The following VPS13C variants were observed in gnomAD, a reference collection of about 807,000 sequenced individuals.
VPS13C encodes vacuolar protein sorting 13 homolog C, also known as intermembrane lipid transfer protein VPS13C.
Under a neutral mutation model 456.8 loss-of-function variants are expected in VPS13C, and 358 were observed. That is an observed-to-expected ratio of 0.78 (90% CI 0.72 to 0.86). The LOEUF (loss-of-function observed/expected upper bound fraction) is 0.86, where lower values mean the gene tolerates loss of function less well. Among genes scored for constraint, VPS13C ranks in the 40% least tolerant of loss-of-function variants. VPS13C has a pLI of 0.00. For synonymous variants in VPS13C, 1,578 were observed against 1,486.7 expected (o/e 1.06, Z -1.41); for missense variants, 4,818 against 4,385.4 (o/e 1.10, Z -2.79).
intron 18 of VPS13C, among the ~76,000 whole-genome samples, chr15:61,989,806 C>T (rs190867644): frequency 6.6e-6 from 1 of 152,278 alleles, no homozygotes; most frequent in Admixed American, 6.5e-5. Context: ...CTGGTGAAGA[C>T]GTGAAGCAAT....
chr15:62,009,855 C>T (rs2046981560), intron 13 of VPS13C, among the ~76,000 whole-genome samples: 1 of 152,158 alleles, frequency 6.6e-6, no homozygotes, highest in African/African-American at 2.4e-5. Context: ...ATAAGAGTCT[C>T]TTCCATTAAA....
intron 15 of VPS13C, among the ~76,000 whole-genome samples, chr15:62,005,570 C>A (rs2046804272): frequency 6.6e-6 from 1 of 150,678 alleles, no homozygotes; most frequent in South Asian, 2.1e-4. Context: ...ACGATGTTAG[C>A]TGGTGATTTT....
chr15:61,929,667 T>C lies in VPS13C; in HGVS notation c.6120A>G (p.Gln2040=), dbSNP rs763205266. ...ISYKQDKNGS[Q]IDAVLDKLYV... ...ACAGCTTGTCAAGAACAGCATCAAT[T>C]TGACTTCCATTTTTGTCTTGTTTGT... Residue 2040 remains glutamine (Q), a synonymous_variant, in exon 51 of 85, where the codon CAA becomes CAG. Transcript: ENST00000644861. 1.2e-6 allele frequency: 2 copies of C among 1,614,120 alleles called. No homozygotes were observed. The highest frequency in any genetic ancestry group is 1.3e-5 in the African/African-American group (1 of 75,044).
intron 48 of VPS13C, chr15:61,935,518 G>A (rs1282755339): frequency 6.6e-6 from 1 of 152,192 alleles, no homozygotes; most frequent in Non-Finnish European, 1.5e-5. Context: ...GCAAGAACCA[G>A]ATACATGATC....
chr15:61,930,327 CG>C (rs2044013399), intron 50 of VPS13C, among the ~76,000 whole-genome samples: 1 of 152,076 alleles, frequency 6.6e-6, no homozygotes. Context: ...TCACCCTTGC[CG>C]GGAGAGCTGT....
intron 37 of VPS13C, among the ~76,000 whole-genome samples, chr15:61,956,374 A>G (rs1378423604): frequency 1.3e-5 from 2 of 152,092 alleles, no homozygotes; most frequent in African/African-American, 2.4e-5. Flanking sequence ...CCTATCAGGT[A>G]CTATGCTCAC....
intron 46 of VPS13C, 36 bp downstream of exon 46, chr15:61,941,727 T>C: frequency 2.6e-6 from 4 of 1,532,950 alleles, no homozygotes; most frequent in Non-Finnish European, 1.8e-6. Context: ...ATCCTATTTC[T>C]AGTAAGCAAT....
intron 17 of VPS13C, 83 bp downstream of exon 17, chr15:61,991,590 T>C (rs2046223985): frequency 6.9e-7 from 1 of 1,440,646 alleles, no homozygotes; most frequent in Non-Finnish European, 9.2e-7. Flanking sequence ...TATTTCAAAA[T>C]AAAATTCAAC....
chr15:62,000,708 T>C, intron 15 of VPS13C, 82 bp from the exon 16 acceptor site: 1 of 1,106,038 alleles, frequency 9.0e-7, no homozygotes. Flanking sequence ...TCTAGGCATA[T>C]CTAGTCCATT....
chr15:62,059,466 C>A (rs1001064356), intron 1 of VPS13C, among the ~76,000 whole-genome samples: 3 of 152,172 alleles, frequency 2.0e-5, no homozygotes, highest in Non-Finnish European at 4.4e-5. Context: ...AACGATTAAG[C>A]TCGTTGAAGA....
In VPS13C at chr15:61,962,551, G is replaced by C. The variant is rs1294961887; in HGVS notation, c.3436-13C>G. ...TTATTGACACAGCCTGAAAAACAGA[G>C]ACTTGAATGTACTCTATCCGGGAAG... On this transcript the variant is annotated splice_polypyrimidine_tract_variant and intron_variant, in intron 33 of 84. Coordinates refer to ENST00000644861, the MANE Select transcript of VPS13C (RefSeq NM_020821.3). 1.9e-6 allele frequency: 3 copies of C among 1,604,120 alleles called. No individual in the cohort carries two copies. The highest frequency in any genetic ancestry group is 2.6e-6 in the Non-Finnish European group (3 of 1,174,432).
chr15:62,020,096 G>A (rs954485321), intron 9 of VPS13C, among the ~76,000 whole-genome samples: 15 of 147,832 alleles, frequency 1.0e-4, no homozygotes, highest in South Asian at 4.2e-4. Flanking sequence ...ATGAGTGTGC[G>A]CACACACACA....
At chr15:61,952,505 ATGTG>A (rs924903699) in intron 38 of VPS13C, among the ~76,000 whole-genome samples, 9 of 152,036 alleles carry the variant, frequency 5.9e-5, no homozygotes, top group Non-Finnish European at 1.3e-4. Context: ...GACTTTATAT[ATGTG>A]TGTGTGTATG....
intron 65 of VPS13C, 107 bp downstream of exon 65, chr15:61,908,885 A>G (rs1232136977): frequency 7.5e-7 from 1 of 1,336,604 alleles, no homozygotes; most frequent in Non-Finnish European, 1.0e-6. Context: ...TGTGTTCCAT[A>G]TCACCTTTCT....
intron 18 of VPS13C, among the ~76,000 whole-genome samples, chr15:61,985,429 G>A (rs1333497584): frequency 6.6e-6 from 1 of 152,016 alleles, no homozygotes. Context: ...GCTAAGTTTT[G>A]TGTTTTTAGT....
At chr15:61,975,604 A>G (rs1328411424) in intron 24 of VPS13C, among the ~76,000 whole-genome samples, 7 of 152,110 alleles carry the variant, frequency 4.6e-5, no homozygotes, top group South Asian at 2.1e-4. Flanking sequence ...ATCTAGCCCT[A>G]TATCTATGAA....
rs1013785012 is a variant in VPS13C, at chr15:61,958,804, CAT to C, written c.4057-90_4057-89del. On this transcript the variant is annotated intron_variant, in intron 36 of 84. Transcript: ENST00000644861. ...AGAAAATAAATTCCCATTTGCAACA[CAT>C]GAGGGACAGAATAATCCTAACACTG... 9.2e-6 allele frequency: 6 copies of C among 649,938 alleles called. No individual in the cohort carries two copies. The South Asian group carries it at 9.8e-5, about 11-fold the overall frequency. 40.3% of individuals were successfully genotyped at this position (649,938 alleles called of 1,614,324 possible). A position where few individuals can be genotyped will look rare whatever the true frequency, so the allele number is the denominator to read the frequency against.
chr15:62,056,559 G>A (rs1055755244), intron 1 of VPS13C, among the ~76,000 whole-genome samples: 1 of 152,204 alleles, frequency 6.6e-6, no homozygotes, highest in African/African-American at 2.4e-5. Context: ...CGACTTAGCA[G>A]ACCAGGGAAG....
In VPS13C at chr15:61,920,211, T is replaced by A; in HGVS notation, c.7333A>T (p.Met2445Leu). Residue 2445 changes from methionine (M) to leucine (L), a missense_variant, in exon 57 of 85, where the codon ATG becomes TTG. By Grantham distance (15) the Met-to-Leu change is conservative. Coordinates refer to ENST00000644861, the MANE Select transcript of VPS13C (RefSeq NM_020821.3). Reference protein sequence around the residue: ...KVKPNCNLRVMGFPEKSDIFD... With the variant: ...KVKPNCNLRVLGFPEKSDIFD... ...ATATCACTTTTCTCAGGGAAGCCCA[T>A]TACTCTGAGATTACAATTGGGCTTC... 6.2e-7 allele frequency: 1 copy of A among 1,613,658 alleles called. No homozygotes were observed.
Sources: gnomAD v4.1 joint callset for allele counts (sites outside exome capture counted in the v4.1 genomes callset) on GRCh38, gnomAD v4.1.1 for gene constraint, MANE v1.5 for transcripts, NCBI Gene and HGNC (gene_info 2026-07-23, HGNC 2026-07-21) for gene names.